CFAP221: variants seen among roughly 807,000 people sequenced by gnomAD.
The protein encoded by CFAP221 is cilia- and flagella-associated protein 221.
CFAP221 carries 97 observed loss-of-function variants against 113.1 expected under a neutral mutation model. The ratio of observed to expected loss-of-function variants is 0.86; its 90% CI spans 0.73 to 1.02. The LOEUF is 1.02. Among genes scored for constraint, CFAP221 ranks in the 50% least tolerant of loss-of-function variants. The pLI, the probability that CFAP221 is intolerant of heterozygous loss-of-function variation, is 0.00. For missense variants in CFAP221, 1,025 were observed against 1,013.4 expected (o/e 1.01, Z -0.16); for synonymous variants, 331 against 354.4 (o/e 0.93, Z 0.74).
intron 21 of CFAP221, among the ~76,000 whole-genome samples, chr2:119,645,576 A>G (rs999772021): frequency 5.3e-5 from 8 of 151,896 alleles, no homozygotes; most frequent in Admixed American, 4.6e-4. Flanking sequence ...AGTCAAAACC[A>G]TGGTGCTATA....
chr2:119,656,269 C>A, intron 23 of CFAP221, 93 bp from the exon 24 acceptor site: 1 of 933,130 alleles, frequency 1.1e-6, no homozygotes, highest in Non-Finnish European at 1.7e-6. Flanking sequence ...ACGAAATGCT[C>A]CTCCGACCTT....
At chr2:119,570,771 C>T (rs1334811712) in intron 6 of CFAP221, among the ~76,000 whole-genome samples, 1 of 152,172 alleles carries the variant, frequency 6.6e-6, no homozygotes, top group East Asian at 1.9e-4. Context: ...TTTTATTTAT[C>T]CATTCATCAG....
At chr2:119,636,749 G>A (rs1008662157) in intron 19 of CFAP221, among the ~76,000 whole-genome samples, 1 of 152,218 alleles carries the variant, frequency 6.6e-6, no homozygotes, top group Non-Finnish European at 1.5e-5. Flanking sequence ...TGCAGCCGAG[G>A]TGAGTCGCTA....
intron 7 of CFAP221, among the ~76,000 whole-genome samples, chr2:119,600,528 AATT>A (rs772772450): frequency 9.2e-5 from 14 of 152,384 alleles, no homozygotes; most frequent in Non-Finnish European, 2.1e-4. Context: ...ACAATCAAAT[AATT>A]ATTGTAAAGG....
chr2:119,560,416 C>T (rs1375154432), intron 5 of CFAP221, among the ~76,000 whole-genome samples: 1 of 152,212 alleles, frequency 6.6e-6, no homozygotes, highest in Non-Finnish European at 1.5e-5. Flanking sequence ...TAAACACCAG[C>T]CACTGGCCTA....
intron 3 of CFAP221, among the ~76,000 whole-genome samples, chr2:119,554,251 C>T (rs971870621): frequency 1.3e-5 from 2 of 152,162 alleles, no homozygotes; most frequent in African/African-American, 4.8e-5. Flanking sequence ...ATAAATTGTT[C>T]ATTAACATTT....
At chr2:119,566,872 A>G (rs1438560451) in intron 6 of CFAP221, among the ~76,000 whole-genome samples, 8 of 151,086 alleles carry the variant, frequency 5.3e-5, no homozygotes, top group African/African-American at 1.9e-4. Context: ...TTTTATTTTT[A>G]TTGTATTGTA....
intron 13 of CFAP221, 30 bp downstream of exon 13, chr2:119,611,772 A>G (rs1188386335): frequency 1.3e-6 from 2 of 1,516,072 alleles, no homozygotes; most frequent in South Asian, 1.2e-5. Flanking sequence ...TTAGAATCTG[A>G]TTATTGGCAG....
intron 7 of CFAP221, among the ~76,000 whole-genome samples, chr2:119,591,896 AC>A (rs1683623669): frequency 6.6e-6 from 1 of 152,216 alleles, no homozygotes; most frequent in African/African-American, 2.4e-5. Flanking sequence ...GGCAACAGCA[AC>A]AATGGGAAAA....
intron 3 of CFAP221, among the ~76,000 whole-genome samples, chr2:119,555,609 C>T (rs747678972): frequency 1.3e-5 from 2 of 152,110 alleles, no homozygotes; most frequent in Non-Finnish European, 2.9e-5. Context: ...TAAAGCTGAT[C>T]TGCTGATAAA....
chr2:119,648,894 G>C (rs762408435), intron 22 of CFAP221, among the ~76,000 whole-genome samples: 25 of 152,196 alleles, frequency 1.6e-4, no homozygotes, highest in Non-Finnish European at 3.1e-4. Flanking sequence ...TGAAGTACTG[G>C]CATGAAAGGT....
At chr2:119,619,593 A>G (rs949492104) in intron 14 of CFAP221, among the ~76,000 whole-genome samples, 8 of 152,206 alleles carry the variant, frequency 5.3e-5, no homozygotes, top group Non-Finnish European at 1.0e-4. Flanking sequence ...GGTCACCAAC[A>G]TCCAAGACCA....
Position 119,601,311 on chromosome 2 carries a change from C to T in CFAP221, c.725C>T (p.Ser242Leu), listed in dbSNP as rs764765195. The change falls in exon 8 of 24, where the codon TCG becomes TTG. Residue 242 changes from serine (S) to leucine (L), a missense_variant. By Grantham distance (145) the Ser-to-Leu change is moderately radical. Coordinates refer to ENST00000413369, the MANE Select transcript of CFAP221 (RefSeq NM_001271049.2). ...CAAATAAAAATGCAGTTATGGATTT[C>T]GCAGTTCAACTCTCAACCATACGAA... ...TAQIKMQLWI[S>L]QFNSQPYECV... 14 of 1,535,668 alleles carry T rather than the reference C, an allele frequency of 9.1e-6. No individual in the cohort carries two copies. The highest frequency in any genetic ancestry group is 1.4e-5 in the African/African-American group (1 of 73,038).
intron 6 of CFAP221, among the ~76,000 whole-genome samples, chr2:119,563,296 GTAA>G (rs963970062): frequency 1.4e-4 from 21 of 152,124 alleles, no homozygotes; most frequent in Admixed American, 7.9e-4. Context: ...TATAGTTTAG[GTAA>G]TAATGACAAG....
chr2:119,591,457 C>CA (rs1487206641), intron 7 of CFAP221, among the ~76,000 whole-genome samples: 2 of 152,214 alleles, frequency 1.3e-5, no homozygotes, highest in Admixed American at 6.5e-5. Flanking sequence ...TGGTTGCACA[C>CA]AGCGTGGCTG....
chr2:119,600,117 A>G (rs1684263542), intron 7 of CFAP221, among the ~76,000 whole-genome samples: 1 of 152,192 alleles, frequency 6.6e-6, no homozygotes, highest in Non-Finnish European at 1.5e-5. Flanking sequence ...GGAAGTCAGA[A>G]CATTCGTCCT....
At chr2:119,638,121 CTT>C in intron 19 of CFAP221, 136 bp from the exon 20 acceptor site, 1 of 816,936 alleles carries the variant, frequency 1.2e-6, no homozygotes, top group Non-Finnish European at 1.8e-6. Context: ...TCCTGCTTCT[CTT>C]TTCCAGACAA....
At chr2:119,610,243 G>A (rs962625965) in intron 12 of CFAP221, among the ~76,000 whole-genome samples, 18 of 152,248 alleles carry the variant, frequency 1.2e-4, no homozygotes, top group African/African-American at 4.3e-4. Flanking sequence ...CAGACGCCCT[G>A]GAATATGGGA....
At chr2:119,659,754 A>G (rs754976588), downstream of CFAP221, among the ~76,000 whole-genome samples, 1 of 152,068 alleles carries the variant, frequency 6.6e-6, no homozygotes, top group Non-Finnish European at 1.5e-5. Context: ...GCTATTCCCT[A>G]TGACCTCACC....
Sources: gnomAD v4.1 joint callset for allele counts (sites outside exome capture counted in the v4.1 genomes callset) on GRCh38, gnomAD v4.1.1 for gene constraint, MANE v1.5 for transcripts, NCBI Gene and HGNC (gene_info 2026-07-23, HGNC 2026-07-21) for gene names.